Variants in FAM135B observed in about 807,000 individuals in gnomAD.
FAM135B encodes the protein protein FAM135B.
Under a neutral mutation model 127.7 loss-of-function variants are expected in FAM135B, and 43 were observed. The observed-to-expected ratio is 0.34, with a 90% CI of 0.26 to 0.43. The LOEUF (loss-of-function observed/expected upper bound fraction) is 0.43, where lower values mean the gene tolerates loss of function less well. Among genes scored for constraint, FAM135B ranks in the 20% least tolerant of loss-of-function variants. The pLI is 1.00. For synonymous variants in FAM135B, 670 were observed against 665.1 expected, an observed-to-expected ratio of 1.01 and a Z score of -0.11; for missense variants, 1,558 against 1,725.6, an observed-to-expected ratio of 0.90 and a Z score of 1.72.
At chr8:138,174,808 T>C (rs1814281549) in intron 11 of FAM135B, among the ~76,000 whole-genome samples, 2 of 152,110 alleles carry the variant, frequency 1.3e-5, no homozygotes, top group South Asian at 2.1e-4. Context: ...GGACTCTCTG[T>C]TCCTCTCACA....
In FAM135B at chr8:138,195,315, GA is replaced by G. The variant is rs747918121; in HGVS notation, c.824-9del. 10 of 1,613,102 alleles carry G rather than the reference GA, an allele frequency of 6.2e-6. No homozygotes were observed. Among genetic ancestry groups the G allele is most frequent in the Non-Finnish European group, 8.5e-6 (10 of 1,179,678 alleles). On this transcript the variant is annotated splice_polypyrimidine_tract_variant and intron_variant, in intron 8 of 19. Transcript: ENST00000395297. ...CTTCAACAGCAAGGGCCTCTAGAAAGAAAAAATAAACTGTGTGATTAAATGA... is the reference window on the plus strand; with the variant it reads ...CTTCAACAGCAAGGGCCTCTAGAAAGAAAAATAAACTGTGTGATTAAATGA...
chr8:138,328,947 C>T (rs1046704878), intron 2 of FAM135B, among the ~76,000 whole-genome samples: 2 of 152,192 alleles, frequency 1.3e-5, no homozygotes, highest in Non-Finnish European at 2.9e-5. Flanking sequence ...TGATGCCTAA[C>T]TTATCCTTTT....
rs755799462 is a variant in FAM135B, at chr8:138,243,258, G to C, written c.543-190C>G. ...ATGATAAAGAGGGTACAACTGGCAC[G>C]TAAGCTTGAAAGTCAATGATGATAC... On this transcript the variant is annotated intron_variant, in intron 6 of 19. Coordinates refer to ENST00000395297, the MANE Select transcript of FAM135B (RefSeq NM_015912.4). The surrounding 1 kb of genome is among the most constrained non-coding windows in gnomAD (Gnocchi z 7.5). Among the ~76,000 whole-genome samples the C allele has an allele frequency of 6.6e-6, 1 of 152,166 alleles. No homozygotes were observed. The highest frequency in any genetic ancestry group is 2.4e-5 in the African/African-American group (1 of 41,438).
At chr8:138,377,459 G>C (rs75740674) in intron 1 of FAM135B, among the ~76,000 whole-genome samples, 10,458 of 152,212 alleles carry the variant, frequency 0.069, 742 homozygotes, top group East Asian at 0.17. Context: ...TCCAAGAGCA[G>C]AGCATCTGGT....
chr8:138,235,253 G>A (rs10110584), intron 7 of FAM135B, among the ~76,000 whole-genome samples: 28,163 of 151,950 alleles, frequency 0.19, 2,854 homozygotes, highest in Non-Finnish European at 0.23. Context: ...TGAGCACCAA[G>A]GGCTCTAGAA....
intron 1 of FAM135B, among the ~76,000 whole-genome samples, chr8:138,382,028 T>G (rs1831888795): frequency 6.6e-6 from 1 of 152,094 alleles, no homozygotes; most frequent in Admixed American, 6.6e-5. Context: ...TATCTGTTTG[T>G]GCCCTGGTCA....
In FAM135B at chr8:138,170,470, C is replaced by T. The variant is rs552961144; in HGVS notation, c.1104-2421G>A. ...CTCCCGACCTCAGGTGATCTGCCCA[C>T]CTAGGCCTCCCAAACTACTGGGATT... On this transcript the variant is annotated intron_variant, in intron 11 of 19. Transcript: ENST00000395297. Among the ~76,000 whole-genome samples, 424 of 152,210 alleles carry T rather than the reference C, an allele frequency of 2.8e-3. 5 individuals carry two copies. The highest frequency in any genetic ancestry group is 3.4e-3 in the Middle Eastern group (1 of 292).
intron 7 of FAM135B, among the ~76,000 whole-genome samples, chr8:138,202,565 T>C (rs1817226517): frequency 6.6e-6 from 1 of 152,176 alleles, no homozygotes; most frequent in South Asian, 2.1e-4. Context: ...CGTTTTTGCT[T>C]TCCCACTTAC....
chr8:138,354,335 T>C (rs1294291616), intron 2 of FAM135B, among the ~76,000 whole-genome samples: 3 of 151,978 alleles, frequency 2.0e-5, no homozygotes, highest in Admixed American at 6.6e-5. Context: ...ACAAAACACT[T>C]GTATGCAGTA....
intron 7 of FAM135B, among the ~76,000 whole-genome samples, chr8:138,221,386 C>T (rs551210577): frequency 2.6e-5 from 4 of 152,298 alleles, no homozygotes; most frequent in African/African-American, 9.6e-5. Flanking sequence ...GGTGCCAAAT[C>T]ATTCATGAGA....
At position 138,241,739 on chromosome 8, in the gene FAM135B, G is replaced by A. The variant is rs1427062159; in HGVS notation, c.669+1203C>T. On this transcript the variant is annotated intron_variant, in intron 7 of 19. Transcript: ENST00000395297. The surrounding 1 kb of genome is among the most constrained non-coding windows in gnomAD (Gnocchi z 4.8). The stretch of plus-strand genomic sequence containing the variant: ...TAGTAGTGATAGTTACTATTAATGT[G>A]ACAGTTACTTTTACGTGTCATCTTA... Among the ~76,000 whole-genome samples the A allele has an allele frequency of 6.6e-6, 1 of 152,164 alleles. No individual in the cohort carries two copies. The highest frequency in any genetic ancestry group is 1.5e-5 in the Non-Finnish European group (1 of 68,024).
intron 7 of FAM135B, among the ~76,000 whole-genome samples, chr8:138,240,482 G>C (rs1418454285): frequency 1.2e-4 from 18 of 152,232 alleles, no homozygotes; most frequent in Admixed American, 1.2e-3. Flanking sequence ...TGAATGGTCT[G>C]TGTGGCCTCA....
chr8:138,247,517 G>A (rs1821381897), intron 6 of FAM135B, among the ~76,000 whole-genome samples: 1 of 152,190 alleles, frequency 6.6e-6, no homozygotes, highest in African/African-American at 2.4e-5. Flanking sequence ...CTTCCACCAT[G>A]ACTGTATGTT....
intron 1 of FAM135B, among the ~76,000 whole-genome samples, chr8:138,371,069 G>T (rs773540898): frequency 1.3e-5 from 2 of 152,170 alleles, no homozygotes; most frequent in Non-Finnish European, 2.9e-5. Context: ...ACTAATTTGA[G>T]AACCACTGGC....
chr8:138,186,951 TTC>T (rs1233842322), intron 9 of FAM135B, among the ~76,000 whole-genome samples: 1 of 152,170 alleles, frequency 6.6e-6, no homozygotes, highest in Non-Finnish European at 1.5e-5. Context: ...GAAGCCACAT[TTC>T]TCTGTGTCCA....
chr8:138,332,797 C>G (rs946540922), intron 2 of FAM135B, among the ~76,000 whole-genome samples: 1 of 152,112 alleles, frequency 6.6e-6, no homozygotes. Context: ...TGTTGAGTTA[C>G]ACCCAAACGA....
At chr8:138,297,808 G>C (rs765446815) in intron 3 of FAM135B, among the ~76,000 whole-genome samples, 1 of 152,230 alleles carries the variant, frequency 6.6e-6, no homozygotes, top group Non-Finnish European at 1.5e-5. Context: ...ATTTTGATTA[G>C]AGGCAGAAGT....
intron 2 of FAM135B, among the ~76,000 whole-genome samples, chr8:138,325,215 C>T (rs976991829): frequency 3.3e-5 from 5 of 152,082 alleles, no homozygotes; most frequent in African/African-American, 1.2e-4. Context: ...AAACATTTGT[C>T]CAATCAAATT....
intron 1 of FAM135B, among the ~76,000 whole-genome samples, chr8:138,461,625 A>G (rs1837122887): frequency 6.6e-6 from 1 of 152,226 alleles, no homozygotes; most frequent in African/African-American, 2.4e-5. Context: ...TTCCTTATAC[A>G]TATTGCATTT....
Sources: allele counts gnomAD v4.1 joint callset (sites outside exome capture counted in the v4.1 genomes callset), GRCh38; gene constraint gnomAD v4.1.1; non-coding constraint Gnocchi (gnomAD v3.1); transcripts MANE v1.5; gene names NCBI Gene and HGNC (gene_info 2026-07-23, HGNC 2026-07-21).